The following SLCO3A1 variants were observed in gnomAD, a reference collection of about 807,000 sequenced individuals.
SLCO3A1 encodes solute carrier organic anion transporter family member 3A1, also known as PGE1 transporter.
SLCO3A1 carries 27 observed loss-of-function variants against 63.1 expected under a neutral mutation model. That is an observed-to-expected ratio of 0.43 (90% CI 0.32 to 0.59). SLCO3A1 has a LOEUF of 0.59. SLCO3A1 is among the 20% of genes least tolerant of loss of function. The pLI, the probability that SLCO3A1 is intolerant of heterozygous loss-of-function variation, is 0.09. For synonymous variants in SLCO3A1, 473 were observed against 409.9 expected, an observed-to-expected ratio of 1.15 and a Z score of -1.86; for missense variants, 773 against 945.8, an observed-to-expected ratio of 0.82 and a Z score of 2.40.
chr15:92,116,362 A>T (rs2047795240), intron 4 of SLCO3A1, among the ~76,000 whole-genome samples: 1 of 152,228 alleles, frequency 6.6e-6, no homozygotes, highest in African/African-American at 2.4e-5. Flanking sequence ...TTTTCCCTAG[A>T]GACCGCTCTC....
At chr15:91,887,455 C>A (rs1437791536) in intron 1 of SLCO3A1, among the ~76,000 whole-genome samples, 1 of 152,194 alleles carries the variant, frequency 6.6e-6, no homozygotes, top group Non-Finnish European at 1.5e-5. Context: ...TGAGGCACCC[C>A]CTCCATTCAG....
chr15:91,985,374 G>A (rs1405317904), intron 2 of SLCO3A1, among the ~76,000 whole-genome samples: 3 of 152,092 alleles, frequency 2.0e-5, no homozygotes, highest in Non-Finnish European at 1.5e-5. Context: ...TACTATTGAG[G>A]GCATTTGTGT....
intron 2 of SLCO3A1, among the ~76,000 whole-genome samples, chr15:91,928,624 A>G (rs957451935): frequency 1.3e-5 from 2 of 152,240 alleles, no homozygotes; most frequent in African/African-American, 2.4e-5. Context: ...TTCTCAGTAT[A>G]GTACCCACCT....
chr15:92,003,258 C>T (rs1394128253), intron 2 of SLCO3A1, among the ~76,000 whole-genome samples: 1 of 152,166 alleles, frequency 6.6e-6, no homozygotes, highest in Non-Finnish European at 1.5e-5. Flanking sequence ...TTGTCGAGTG[C>T]ACTTATGCGT....
At chr15:91,917,561 G>A (rs1898704093) in intron 2 of SLCO3A1, among the ~76,000 whole-genome samples, 2 of 152,130 alleles carry the variant, frequency 1.3e-5, no homozygotes, top group Admixed American at 6.5e-5. Flanking sequence ...CTGGCTGTGA[G>A]CAGGCTCTGG....
At chr15:91,984,288 AT>A (rs1178528347) in intron 2 of SLCO3A1, among the ~76,000 whole-genome samples, 1 of 152,208 alleles carries the variant, frequency 6.6e-6, no homozygotes, top group East Asian at 1.9e-4. Context: ...ATAAAGTTAA[AT>A]TTAACCTCCC....
chr15:91,906,800 G>A (rs1898321150), intron 1 of SLCO3A1, among the ~76,000 whole-genome samples: 1 of 152,184 alleles, frequency 6.6e-6, no homozygotes, highest in Non-Finnish European at 1.5e-5. Context: ...GATCCTGAGT[G>A]GTAGAAAATT....
In SLCO3A1 at chr15:91,894,229, AG is replaced by A. The variant is rs1277088595; in HGVS notation, c.181-21763del. 2.0e-5 allele frequency among the ~76,000 whole-genome samples: 3 copies of A among 149,790 alleles called. No individual in the cohort carries two copies. The highest frequency in any genetic ancestry group is 6.7e-5 in the Admixed American group (1 of 15,022). On this transcript the variant is annotated intron_variant, in intron 1 of 9. Transcript: ENST00000318445. The surrounding 1 kb of genome is among the most constrained non-coding windows in gnomAD (Gnocchi z 4.8). ...GGATGGTGGTAGGAAATGAGGTTGG[AG>A]AGGAGGGCAGGGGTGGGGGGTTTTA... is the stretch of plus-strand genomic sequence containing the variant.
intron 4 of SLCO3A1, among the ~76,000 whole-genome samples, chr15:92,108,265 C>T (rs556357353): frequency 3.9e-5 from 6 of 152,182 alleles, no homozygotes; most frequent in Non-Finnish European, 7.3e-5. Flanking sequence ...GGGGGCTGGC[C>T]GAGCCAAGGC....
At chr15:92,014,978 A>G (rs1418313965) in intron 2 of SLCO3A1, among the ~76,000 whole-genome samples, 1 of 152,198 alleles carries the variant, frequency 6.6e-6, no homozygotes, top group African/African-American at 2.4e-5. Context: ...GCAGTCCCCC[A>G]AAAGGCTGAT....
chr15:91,856,058 A>C lies in SLCO3A1; in HGVS notation c.180+1970A>C, dbSNP rs978919002. 2.6e-5 allele frequency among the ~76,000 whole-genome samples: 4 copies of C among 151,782 alleles called. No individual in the cohort carries two copies. Among genetic ancestry groups the C allele is most frequent in the African/African-American group, 7.3e-5 (3 of 41,268 alleles). ...CCTTTAGAAAGTTAAGAAGCCGAGT[A>C]CTCCTGGAGTGGTGGACTTCTGGAG... On this transcript the variant is annotated intron_variant, in intron 1 of 9. Transcript: ENST00000318445. This position sits in a 1 kb window ranked among gnomAD's most constrained non-coding sequence, Gnocchi z 4.9.
intron 2 of SLCO3A1, among the ~76,000 whole-genome samples, chr15:91,988,581 G>T (rs2046085455): frequency 6.6e-6 from 1 of 152,084 alleles, no homozygotes; most frequent in African/African-American, 2.4e-5. Flanking sequence ...AATCCTGTGG[G>T]TCCTTTTCAG....
intron 2 of SLCO3A1, among the ~76,000 whole-genome samples, chr15:92,035,353 G>C (rs536231446): frequency 6.6e-6 from 1 of 151,804 alleles, no homozygotes; most frequent in Non-Finnish European, 1.5e-5. Context: ...TCCAAACTGT[G>C]TTTGCTGAAA....
chr15:92,144,025 G>A (rs796516149), intron 7 of SLCO3A1, among the ~76,000 whole-genome samples: 2 of 152,344 alleles, frequency 1.3e-5, no homozygotes, highest in Admixed American at 6.5e-5. Flanking sequence ...AGAAGGCGGC[G>A]CCAAGTCGGG....
intron 1 of SLCO3A1, among the ~76,000 whole-genome samples, chr15:91,881,196 T>A (rs1177094419): frequency 6.6e-6 from 1 of 152,152 alleles, no homozygotes; most frequent in Non-Finnish European, 1.5e-5. Context: ...TTGGGGAAGA[T>A]CAAAACCTGA....
chr15:92,147,167 C>T lies in SLCO3A1; in HGVS notation c.1688+8C>T. 4 of 1,605,060 alleles carry T rather than the reference C, an allele frequency of 2.5e-6. No homozygotes were observed. The highest frequency in any genetic ancestry group is 2.6e-6 in the Non-Finnish European group (3 of 1,175,076). ...AGTCATCATCCTCATCAGGTAAGCC[C>T]TCGGCACAGCCCCGCCTCTCCTCCT... On this transcript the variant is annotated splice_region_variant and intron_variant, in intron 8 of 9. Transcript: ENST00000318445.
intron 2 of SLCO3A1, among the ~76,000 whole-genome samples, chr15:91,994,988 G>A (rs2046173295): frequency 1.3e-5 from 2 of 152,158 alleles, no homozygotes; most frequent in Non-Finnish European, 2.9e-5. Flanking sequence ...TCCCACGTAG[G>A]AAAAATCCTT....
chr15:92,044,376 C>T (rs1164598010), intron 2 of SLCO3A1, among the ~76,000 whole-genome samples: 1 of 152,192 alleles, frequency 6.6e-6, no homozygotes, highest in African/African-American at 2.4e-5. Flanking sequence ...CAGGCATATT[C>T]TGTCTGCTAG....
chr15:91,914,614 A>T (rs1445140099), intron 1 of SLCO3A1, among the ~76,000 whole-genome samples: 2 of 147,870 alleles, frequency 1.4e-5, no homozygotes, highest in African/African-American at 2.5e-5. Context: ...CTGTTGCCCA[A>T]ACTGGAGTGC....
Sources: gnomAD v4.1 joint callset for allele counts (sites outside exome capture counted in the v4.1 genomes callset) on GRCh38, gnomAD v4.1.1 for gene constraint, Gnocchi (gnomAD v3.1) non-coding constraint, MANE v1.5 for transcripts, NCBI Gene and HGNC (gene_info 2026-07-23, HGNC 2026-07-21) for gene names.